AFG1L: variants seen among roughly 807,000 people sequenced by gnomAD.
AFG1L encodes the protein AFG1-like ATPase.
AFG1L carries 53 observed loss-of-function variants against 62.2 expected under a neutral mutation model. The observed-to-expected ratio is 0.85, with a 90% CI of 0.68 to 1.07. The LOEUF (loss-of-function observed/expected upper bound fraction) is 1.07, where lower values mean the gene tolerates loss of function less well. AFG1L is among the 50% of genes least tolerant of loss of function. AFG1L has a pLI of 0.00. For synonymous variants in AFG1L, 228 were observed against 210.3 expected (o/e 1.08, Z -0.73); for missense variants, 555 against 590.5 (o/e 0.94, Z 0.62).
intron 7 of AFG1L, among the ~76,000 whole-genome samples, chr6:108,433,454 AT>A (rs891920435): frequency 2.1e-4 from 30 of 146,298 alleles, no homozygotes; most frequent in African/African-American, 3.5e-4. Context: ...TAATTTTTGT[AT>A]TTTTTTTTTG....
At chr6:108,300,746 C>G (rs1281140480) in intron 1 of AFG1L, among the ~76,000 whole-genome samples, 1 of 151,130 alleles carries the variant, frequency 6.6e-6, no homozygotes, top group Non-Finnish European at 1.5e-5. Context: ...GATGTCGGCT[C>G]ACTGCAACCT....
chr6:108,511,364 C>T (rs1774646925), intron 11 of AFG1L, among the ~76,000 whole-genome samples: 1 of 152,194 alleles, frequency 6.6e-6, no homozygotes, highest in African/African-American at 2.4e-5. Context: ...TGCCAAGTCA[C>T]TGCCCATTCA....
chr6:108,339,076 T>C (rs555278123), intron 2 of AFG1L, among the ~76,000 whole-genome samples: 42 of 152,312 alleles, frequency 2.8e-4, no homozygotes, highest in South Asian at 1.5e-3. Context: ...GAGTATTCTT[T>C]CAACGTTAAA....
intron 8 of AFG1L, among the ~76,000 whole-genome samples, chr6:108,464,155 G>C (rs1390085429): frequency 6.6e-6 from 1 of 152,220 alleles, no homozygotes; most frequent in Non-Finnish European, 1.5e-5. Context: ...AAGAAGCAAA[G>C]TGTGGGTAGC....
intron 4 of AFG1L, among the ~76,000 whole-genome samples, chr6:108,356,237 T>C (rs1779282364): frequency 6.6e-6 from 1 of 152,216 alleles, no homozygotes; most frequent in Admixed American, 6.5e-5. Flanking sequence ...CTAATACTTG[T>C]AGCATTTAGT....
chr6:108,443,038 T>G (rs1771614320), intron 7 of AFG1L, among the ~76,000 whole-genome samples: 1 of 152,206 alleles, frequency 6.6e-6, no homozygotes, highest in African/African-American at 2.4e-5. Context: ...TGCCCAGATA[T>G]TGCTGTTCTG....
intron 6 of AFG1L, among the ~76,000 whole-genome samples, chr6:108,389,745 C>A (rs975839363): frequency 2.6e-5 from 4 of 152,182 alleles, no homozygotes; most frequent in Admixed American, 1.3e-4. Context: ...GCCGAGAGAT[C>A]CGCTGTTAGT....
At chr6:108,451,605 T>C (rs1234983712) in intron 8 of AFG1L, among the ~76,000 whole-genome samples, 1 of 152,248 alleles carries the variant, frequency 6.6e-6, no homozygotes, top group East Asian at 1.9e-4. Context: ...TGATTGCAAA[T>C]ATCCAAACTT....
chr6:108,401,133 AT>A (rs1198525387), intron 6 of AFG1L, among the ~76,000 whole-genome samples: 49 of 119,632 alleles, frequency 4.1e-4, no homozygotes, highest in Admixed American at 1.2e-3. Context: ...TGCCTGGCTA[AT>A]TTTTTTTTTT....
chr6:108,334,078 G>A (rs1017503208), intron 2 of AFG1L, among the ~76,000 whole-genome samples: 1 of 152,114 alleles, frequency 6.6e-6, no homozygotes, highest in Non-Finnish European at 1.5e-5. Context: ...TGCGATCTCG[G>A]CTCACTGTAA....
intron 8 of AFG1L, among the ~76,000 whole-genome samples, chr6:108,457,750 C>G (rs1406374967): frequency 1.3e-5 from 2 of 152,018 alleles, no homozygotes; most frequent in African/African-American, 4.8e-5. Flanking sequence ...TCCTAAAGGA[C>G]ACGGTTTAAC....
Position 108,355,638 on chromosome 6 carries a change from T to A in AFG1L, c.416-16T>A. On this transcript the variant is annotated splice_polypyrimidine_tract_variant and intron_variant, in intron 3 of 12. Coordinates refer to ENST00000368977, the MANE Select transcript of AFG1L (RefSeq NM_145315.5). The stretch of plus-strand genomic sequence containing the variant: ...TACTATTTAATAGTATTCTTAAAAT[T>A]TTTTTTATTTTTAAGGTACAGGAAA... 7.0e-7 allele frequency: 1 copy of A among 1,438,252 alleles called. No individual in the cohort carries two copies. Among genetic ancestry groups the A allele is most frequent in the Non-Finnish European group, 9.6e-7 (1 of 1,040,766 alleles). 89.1% of individuals were successfully genotyped at this position (1,438,252 alleles called of 1,614,324 possible).
Position 108,447,295 on chromosome 6 carries a change from C to A in AFG1L, c.889C>A (p.Leu297Ile), listed in dbSNP as rs1479308583. 4.5e-6 allele frequency: 7 copies of A among 1,564,916 alleles called. No individual in the cohort carries two copies. The highest frequency in any genetic ancestry group is 1.4e-5 in the African/African-American group (1 of 73,786). ...TCCTGCTGCAGGAAAACTCTACTAC[C>A]TGTAAGTGTTTCTAATTTTTAAAGT... ...ELPAAGKLYY[L>I]TSEADVEAVM... is the part of the protein sequence containing the mutation. The change falls in exon 8 of 13, where the codon CTC becomes ATC. Residue 297 changes from leucine to isoleucine, a missense_variant and splice_region_variant. Leu to Ile is a conservative substitution (Grantham distance 5). Transcript: ENST00000368977.
At chr6:108,486,331 A>G (rs1198150203) in intron 10 of AFG1L, among the ~76,000 whole-genome samples, 1 of 152,188 alleles carries the variant, frequency 6.6e-6, no homozygotes, top group South Asian at 2.1e-4. Context: ...GCCATTTTCC[A>G]TAGTACCTTC....
intron 1 of AFG1L, among the ~76,000 whole-genome samples, chr6:108,309,093 C>T (rs753201462): frequency 9.2e-5 from 14 of 152,082 alleles, no homozygotes; most frequent in African/African-American, 1.4e-4. Context: ...CTCAAGGTCA[C>T]GAAGGTATTT....
chr6:108,314,544 A>G (rs1777521893), intron 1 of AFG1L, among the ~76,000 whole-genome samples: 2 of 151,814 alleles, frequency 1.3e-5, no homozygotes, highest in Admixed American at 6.6e-5. Flanking sequence ...CTACAGGCAC[A>G]TGCTGCCATG....
intron 7 of AFG1L, among the ~76,000 whole-genome samples, chr6:108,431,963 A>T (rs1771097533): frequency 6.6e-6 from 1 of 150,392 alleles, no homozygotes; most frequent in South Asian, 2.1e-4. Flanking sequence ...CCAGACACTG[A>T]CAGGGAGACC....
At chr6:108,390,031 T>A (rs1780977005) in intron 6 of AFG1L, among the ~76,000 whole-genome samples, 1 of 152,212 alleles carries the variant, frequency 6.6e-6, no homozygotes, top group African/African-American at 2.4e-5. Flanking sequence ...GACGTAGATT[T>A]GGTCTTTTCA....
chr6:108,520,680 AGT>A (rs1775091771), intron 12 of AFG1L: 1 of 152,256 alleles, frequency 6.6e-6, no homozygotes, highest in African/African-American at 2.4e-5. Context: ...CAATTTAAAA[AGT>A]GAACTTTCCA....
Sources: gnomAD v4.1 joint callset for allele counts (sites outside exome capture counted in the v4.1 genomes callset) on GRCh38, gnomAD v4.1.1 for gene constraint, MANE v1.5 for transcripts, NCBI Gene and HGNC (gene_info 2026-07-23, HGNC 2026-07-21) for gene names.